GLIS3: variants seen among roughly 807,000 people sequenced by gnomAD.
The protein encoded by GLIS3 is zinc finger protein GLIS3.
In GLIS3, 53 loss-of-function variants were observed where a neutral mutation model predicts 78.6. That is an observed-to-expected ratio of 0.67 (90% CI 0.54 to 0.85). The LOEUF (loss-of-function observed/expected upper bound fraction) is 0.85. Ranked by LOEUF, GLIS3 falls within the 40% of genes least tolerant of loss-of-function variation. The probability of loss-of-function intolerance (pLI) is 0.00; values close to 1 mark genes in which losing one functional copy is unlikely to be tolerated. For synonymous variants in GLIS3, 684 were observed against 509.9 expected (o/e 1.34, Z -4.60); for missense variants, 1,703 against 1,231.1 (o/e 1.38, Z -5.74).
chr9:4,037,394 G>C (rs1053865294), intron 4 of GLIS3, among the ~76,000 whole-genome samples: 4 of 152,092 alleles, frequency 2.6e-5, no homozygotes, highest in Non-Finnish European at 4.4e-5. Context: ...GATCTGATAG[G>C]TTATCAGGAG....
intron 2 of GLIS3, among the ~76,000 whole-genome samples, chr9:4,158,231 G>C (rs915971298): frequency 6.6e-6 from 1 of 151,882 alleles, no homozygotes; most frequent in African/African-American, 2.4e-5. Context: ...TCAATTCTGA[G>C]TTTCTCTTTA....
the GLIS3 span, among the ~76,000 whole-genome samples, chr9:4,471,594 C>T: frequency 6.6e-6 from 1 of 152,120 alleles, no homozygotes; most frequent in Admixed American, 6.6e-5. Flanking sequence ...ACACCCTATA[C>T]AAAAATTAAT....
intron 2 of GLIS3, among the ~76,000 whole-genome samples, chr9:4,275,493 C>G (rs10814910): frequency 0.24 from 35,810 of 151,862 alleles, 4,487 homozygotes; most frequent in Admixed American, 0.26. Context: ...AGCATGGTGG[C>G]TCACAACTGT....
intron 4 of GLIS3, among the ~76,000 whole-genome samples, chr9:4,306,772 C>A (rs1028906429): frequency 2.0e-5 from 3 of 152,178 alleles, no homozygotes; most frequent in Non-Finnish European, 4.4e-5. Context: ...ATCCTCCCCA[C>A]CCCCATGCTT....
intron 2 of GLIS3, among the ~76,000 whole-genome samples, chr9:4,162,438 A>G (rs542469084): frequency 2.6e-5 from 4 of 152,190 alleles, no homozygotes; most frequent in African/African-American, 4.8e-5. Context: ...AATCTGAAGA[A>G]CATTTGCAGA....
At chr9:4,283,649 G>T (rs1383391394) in intron 2 of GLIS3, among the ~76,000 whole-genome samples, 2 of 152,132 alleles carry the variant, frequency 1.3e-5, no homozygotes, top group African/African-American at 4.8e-5. Context: ...ATTGGCTATT[G>T]CATCTCCAGA....
At chr9:3,877,512 C>A (rs1477193160) in intron 8 of GLIS3, among the ~76,000 whole-genome samples, 1 of 152,184 alleles carries the variant, frequency 6.6e-6, no homozygotes, top group Non-Finnish European at 1.5e-5. Context: ...AGTTCAAACT[C>A]CTAAAGTCAG....
chr9:4,142,364 A>C (rs961104013), intron 2 of GLIS3, among the ~76,000 whole-genome samples: 1 of 152,240 alleles, frequency 6.6e-6, no homozygotes, highest in Admixed American at 6.5e-5. Flanking sequence ...AATAAACAAC[A>C]TAAGATTCTA....
At chr9:4,236,916 A>AT (rs1328583538) in intron 2 of GLIS3, among the ~76,000 whole-genome samples, 2 of 152,080 alleles carry the variant, frequency 1.3e-5, no homozygotes, top group Admixed American at 1.3e-4. Context: ...CATTAAAAAT[A>AT]TTTTTTTGAA....
At chr9:4,274,535 G>T (rs1826813452) in intron 2 of GLIS3, among the ~76,000 whole-genome samples, 1 of 152,182 alleles carries the variant, frequency 6.6e-6, no homozygotes, top group African/African-American at 2.4e-5. Context: ...GAAGCAGAGG[G>T]TGGCAATGAA....
chr9:4,400,597 T>C, the GLIS3 span, among the ~76,000 whole-genome samples: 1 of 152,264 alleles, frequency 6.6e-6, no homozygotes, highest in African/African-American at 2.4e-5. Context: ...TCTTCGGTCT[T>C]GATCTTCATT....
chr9:3,942,825 T>G (rs1286799436), intron 4 of GLIS3, among the ~76,000 whole-genome samples: 1 of 152,132 alleles, frequency 6.6e-6, no homozygotes, highest in African/African-American at 2.4e-5. Flanking sequence ...CTAGGGATCA[T>G]TAGGTCACCT....
At chr9:4,235,596 T>TA (rs929070839) in intron 2 of GLIS3, among the ~76,000 whole-genome samples, 4 of 152,148 alleles carry the variant, frequency 2.6e-5, no homozygotes, top group Non-Finnish European at 5.9e-5. Context: ...CCCTTTCCAA[T>TA]AGCCAGCAGT....
chr9:4,063,736 A>T (rs1488443220), intron 4 of GLIS3, among the ~76,000 whole-genome samples: 1 of 152,194 alleles, frequency 6.6e-6, no homozygotes, highest in East Asian at 1.9e-4. Flanking sequence ...TTAGAAAATA[A>T]ATTGAGAAAA....
At chr9:4,062,773 A>G (rs887776829) in intron 4 of GLIS3, among the ~76,000 whole-genome samples, 16 of 152,088 alleles carry the variant, frequency 1.1e-4, no homozygotes, top group Admixed American at 1.0e-3. Context: ...TAAAAATACA[A>G]AAAAAATTAG....
the GLIS3 span, among the ~76,000 whole-genome samples, chr9:4,450,330 A>C: frequency 1.3e-5 from 2 of 152,352 alleles, no homozygotes; most frequent in African/African-American, 4.8e-5. Context: ...CAAAGCCTCC[A>C]AGAAATATGG....
At chr9:3,933,210 T>C (rs1014632723) in intron 5 of GLIS3, among the ~76,000 whole-genome samples, 3 of 152,070 alleles carry the variant, frequency 2.0e-5, no homozygotes, top group Non-Finnish European at 2.9e-5. Flanking sequence ...TGTTTTGTTC[T>C]TGCCTCCCAG....
At chr9:4,297,405 G>A (rs1338721483) in intron 1 of GLIS3, among the ~76,000 whole-genome samples, 1 of 152,178 alleles carries the variant, frequency 6.6e-6, no homozygotes, top group East Asian at 1.9e-4. Context: ...TGAAGCCAGG[G>A]TCCACTCTAG....
chr9:4,185,587 G>A (rs1018287669), intron 2 of GLIS3, among the ~76,000 whole-genome samples: 4 of 152,086 alleles, frequency 2.6e-5, no homozygotes, highest in Non-Finnish European at 4.4e-5. Flanking sequence ...GGAAGCAGAT[G>A]GCACATTCAA....
Sources: gnomAD v4.1 joint callset for allele counts (sites outside exome capture counted in the v4.1 genomes callset) on GRCh38, gnomAD v4.1.1 for gene constraint, MANE v1.5 for transcripts, NCBI Gene and HGNC (gene_info 2026-07-23, HGNC 2026-07-21) for gene names.